MTERF4: variants seen among roughly 807,000 people sequenced by gnomAD.
The protein encoded by MTERF4 is mitochondrial transcription termination factor 4.
In MTERF4, 17 loss-of-function variants were observed where a neutral mutation model predicts 22.5. The observed-to-expected ratio is 0.75, with a 90% CI of 0.52 to 1.13. MTERF4 has a LOEUF of 1.13. Among genes scored for constraint, MTERF4 ranks in the 50% most tolerant of loss-of-function variants. MTERF4 has a pLI of 0.00. For synonymous variants in MTERF4, 165 were observed against 175.3 expected (o/e 0.94, Z 0.47); for missense variants, 420 against 466.8 (o/e 0.90, Z 0.92).
At chr2:241,076,562 GATTA>G (rs1367352629) in intron 4 of MTERF4, among the ~76,000 whole-genome samples, 1 of 152,096 alleles carries the variant, frequency 6.6e-6, no homozygotes, top group Non-Finnish European at 1.5e-5. Context: ...TCCTTTTAAA[GATTA>G]ATTGTTTGCC....
downstream of MTERF4, chr2:241,071,780 C>T (rs75917496): frequency 0.017 from 26,166 of 1,583,554 alleles, 2,461 homozygotes; most frequent in Admixed American, 0.21. Context: ...TGGTGACCCT[C>T]CCACCCTCTC....
the MTERF4 span, chr2:241,048,461 C>G: frequency 6.3e-7 from 1 of 1,580,898 alleles, no homozygotes. Flanking sequence ...GCTGCAAGGG[C>G]TGCCGTTTTA....
At chr2:241,052,202 C>T in the MTERF4 span, 6 of 1,553,254 alleles carry the variant, frequency 3.9e-6, no homozygotes, top group Admixed American at 6.7e-5. Flanking sequence ...GGGGTGAACC[C>T]TCTCTGCAGA....
the MTERF4 span, chr2:241,051,670 G>A: frequency 1.6e-6 from 2 of 1,214,078 alleles, no homozygotes; most frequent in Non-Finnish European, 2.2e-6. This position sits in a 1 kb window ranked among gnomAD's most constrained non-coding sequence, Gnocchi z 4.7. Context: ...CTGAGGAGAT[G>A]CCAGGAGGGT....
chr2:241,060,187 CTT>C, the MTERF4 span, among the ~76,000 whole-genome samples: 7 of 144,716 alleles, frequency 4.8e-5, no homozygotes, highest in Admixed American at 2.8e-4. Context: ...AAACTATAAA[CTT>C]TTTTTTTTTT....
intron 3 of MTERF4, 93 bp downstream of exon 3, chr2:241,097,150 C>G (rs547224940): frequency 6.9e-7 from 1 of 1,450,150 alleles, no homozygotes; most frequent in East Asian, 2.4e-5. Context: ...ACACTAATCA[C>G]GGTACCAGTC....
chr2:241,068,808 C>G, downstream of MTERF4: 2 of 762,556 alleles, frequency 2.6e-6, no homozygotes. This position sits in a 1 kb window ranked among gnomAD's most constrained non-coding sequence, Gnocchi z 5.3. Flanking sequence ...GCAGGATGAC[C>G]TCCCCGCAGT....
chr2:241,049,763 G>T, the MTERF4 span: 1 of 1,419,862 alleles, frequency 7.0e-7, no homozygotes. Flanking sequence ...GCCTCTTGCC[G>T]CCCGCACAGA....
chr2:241,046,617 A>G, the MTERF4 span, among the ~76,000 whole-genome samples: 2 of 152,216 alleles, frequency 1.3e-5, no homozygotes, highest in Admixed American at 1.3e-4. Flanking sequence ...GTGATGAACA[A>G]ATCAGTAGTT....
chr2:241,059,446 C>T, the MTERF4 span, among the ~76,000 whole-genome samples: 2 of 152,310 alleles, frequency 1.3e-5, no homozygotes, highest in East Asian at 3.9e-4. Context: ...AACTTCTCAA[C>T]TCACCTTGAT....
At chr2:241,100,236 G>C (rs957745111) in intron 1 of MTERF4, among the ~76,000 whole-genome samples, 3 of 152,206 alleles carry the variant, frequency 2.0e-5, no homozygotes, top group Non-Finnish European at 4.4e-5. Context: ...CTACTTTCCA[G>C]ATTCATGTTC....
downstream of MTERF4, chr2:241,082,461 G>A: frequency 1.2e-6 from 1 of 839,610 alleles, no homozygotes; most frequent in Non-Finnish European, 1.9e-6. Flanking sequence ...CCTGAGGAGG[G>A]ACGATGGCTG....
chr2:241,045,608 A>G, the MTERF4 span, among the ~76,000 whole-genome samples: 1 of 152,066 alleles, frequency 6.6e-6, no homozygotes, highest in Non-Finnish European at 1.5e-5. Flanking sequence ...TATAAAAAAA[A>G]AACCTCAACT....
chr2:241,064,763 G>A, the MTERF4 span: 1 of 1,004,250 alleles, frequency 1.0e-6, no homozygotes, highest in Admixed American at 3.3e-5. The surrounding 1 kb of genome is among the most constrained non-coding windows in gnomAD (Gnocchi z 7.0). Flanking sequence ...GAGGGACCCA[G>A]TGCCCCAGGA....
chr2:241,062,735 C>A, the MTERF4 span: 1 of 1,191,082 alleles, frequency 8.4e-7, no homozygotes, highest in Non-Finnish European at 1.2e-6. Context: ...TTATGTGCAT[C>A]TTAATTTGGC....
In MTERF4 at chr2:241,096,540, A is replaced by T; in HGVS notation, c.706-102T>A. ...AAGTTGTACAAAAGGATTCAAAAAG[A>T]ATTGCCTAATTGACAACAGCGAATA... On this transcript the variant is annotated intron_variant, in intron 3 of 3. Transcript: ENST00000391980. This position sits in a 1 kb window ranked among gnomAD's most constrained non-coding sequence, Gnocchi z 5.1. The T allele has an allele frequency of 7.8e-7, 1 of 1,288,118 alleles. No homozygotes were observed. Among genetic ancestry groups the T allele is most frequent in the East Asian group, 2.3e-5 (1 of 43,050 alleles). The allele number at this position is 1,288,118 out of a possible 1,614,324, so 79.8% of individuals were successfully genotyped here.
chr2:241,063,405 G>A, the MTERF4 span: 29 of 617,142 alleles, frequency 4.7e-5, no homozygotes, highest in East Asian at 3.4e-4. Context: ...GGCAGTGGAG[G>A]TGGCACGCCT....
chr2:241,078,147 G>T (rs1312214219), intron 4 of MTERF4, among the ~76,000 whole-genome samples: 1 of 152,078 alleles, frequency 6.6e-6, no homozygotes, highest in East Asian at 1.9e-4. Flanking sequence ...CACTTTGGGA[G>T]GCCGAGGCGG....
In MTERF4 at chr2:241,099,558, T is replaced by C; in HGVS notation, c.358A>G (p.Ser120Gly). The C allele has an allele frequency of 1.2e-6, 2 of 1,614,222 alleles. No individual in the cohort carries two copies. The highest frequency in any genetic ancestry group is 1.7e-6 in the Non-Finnish European group (2 of 1,180,034). The change falls in exon 2 of 4, where the codon AGT (serine) becomes GGT (glycine). Residue 120 changes from serine (S) to glycine (G), a missense_variant. By Grantham distance (56) the Ser-to-Gly change is moderately conservative. Coordinates refer to ENST00000391980, the MANE Select transcript of MTERF4 (RefSeq NM_182501.4). ...NELLSVRRGASLQQLLDIISE... is the reference protein window; with the variant it reads ...NELLSVRRGAGLQQLLDIISE... ...ATGATGTCCAGCAACTGTTGAAGAC[T>C]GGCACCTCGCCGTACACTGAGCAAT...
Sources: gnomAD v4.1 joint callset for allele counts (sites outside exome capture counted in the v4.1 genomes callset) on GRCh38, gnomAD v4.1.1 for gene constraint, Gnocchi (gnomAD v3.1) non-coding constraint, MANE v1.5 for transcripts, NCBI Gene and HGNC (gene_info 2026-07-23, HGNC 2026-07-21) for gene names.